Variants in SOHLH1 observed in about 807,000 individuals in gnomAD.
The protein encoded by SOHLH1 is spermatogenesis and oogenesis specific basic helix-loop-helix 1.
Under a neutral mutation model 36.2 loss-of-function variants are expected in SOHLH1, and 23 were observed. That is an observed-to-expected ratio of 0.64 (90% CI 0.46 to 0.90). The LOEUF is 0.90. Ranked by LOEUF, SOHLH1 falls within the 40% of genes least tolerant of loss-of-function variation. The pLI is 0.00. For synonymous variants in SOHLH1, 289 were observed against 228.3 expected, an observed-to-expected ratio of 1.27 and a Z score of -2.40; for missense variants, 608 against 517.0, an observed-to-expected ratio of 1.18 and a Z score of -1.71.
upstream of SOHLH1, among the ~76,000 whole-genome samples, chr9:135,700,445 T>TG (rs896334660): frequency 1.1e-4 from 14 of 131,266 alleles, no homozygotes; most frequent in East Asian, 2.0e-3. Flanking sequence ...GGGACGAGGG[T>TG]GGGGGGTGAG....
chr9:135,696,892 G>A (rs1588232601), intron 4 of SOHLH1, 87 bp from the exon 5 acceptor site: 4 of 1,449,546 alleles, frequency 2.8e-6, no homozygotes, highest in Admixed American at 1.9e-5. Flanking sequence ...GCAGAGGGCT[G>A]GACCCATCCC....
chr9:135,698,521 C>T lies in SOHLH1; in HGVS notation c.198-45G>A. ...AAATACCTCTGGGCCCTCCTGCCCT[C>T]CCCGAGAAGGGACAGCAACTGCTAG... On this transcript the variant is annotated intron_variant, in intron 2 of 7. Coordinates refer to ENST00000425225, the MANE Select transcript of SOHLH1 (RefSeq NM_001101677.2). The T allele has an allele frequency of 1.9e-6, 3 of 1,612,518 alleles. No individual in the cohort carries two copies. In the Admixed American group the frequency reaches 5.0e-5, roughly 27 times the overall value.
chr9:135,693,727 C>A lies in SOHLH1; in HGVS notation c.1034G>T (p.Gly345Val). ...PLDVGEPGFL[G>V]DPELGSQELQ... The stretch of plus-strand genomic sequence containing the variant: ...CTCCTGGGAGCCAAGCTCAGGGTCC[C>A]CTAGGAAGCCTGGCTCTCCAACATC... Residue 345 changes from glycine to valine, a missense_variant, in exon 8 of 8, where the codon GGG becomes GTG. Transcript: ENST00000425225. The A allele has an allele frequency of 6.4e-7, 1 of 1,573,554 alleles. No homozygotes were observed. The highest frequency in any genetic ancestry group is 8.6e-7 in the Non-Finnish European group (1 of 1,160,414).
At chr9:135,695,999 C>T (rs1834776516) in intron 5 of SOHLH1, among the ~76,000 whole-genome samples, 1 of 152,212 alleles carries the variant, frequency 6.6e-6, no homozygotes. Context: ...ATCCAAAACA[C>T]ACCAGCCACA....
chr9:135,694,711 G>A (rs1588229589), intron 6 of SOHLH1, among the ~76,000 whole-genome samples: 1 of 152,010 alleles, frequency 6.6e-6, no homozygotes, highest in Non-Finnish European at 1.5e-5. Context: ...CCACAGTCTC[G>A]CTCTTCTCGT....
chr9:135,693,771 T>C lies in SOHLH1; in HGVS notation c.990A>G (p.Pro330=), dbSNP rs150576747. The change falls in exon 8 of 8, where the codon CCA becomes CCG. Residue 330 remains proline, a synonymous_variant. Transcript: ENST00000425225. ...GRGGSGPAWA[P]AESSPLDVGE... is the part of the protein sequence containing the mutation. ...CAACATCCAGTGGACTGCTCTCAGC[T>C]GGGGCCCATGCAGGGCCACTGCCTC... 1.5e-3 allele frequency: 2,357 copies of C among 1,581,846 alleles called. 10 individuals carry two copies. The highest frequency in any genetic ancestry group is 8.9e-3 in the Middle Eastern group (54 of 6,042).
intron 5 of SOHLH1, among the ~76,000 whole-genome samples, chr9:135,695,527 G>A (rs515026): frequency 0.46 from 69,783 of 151,968 alleles, 16,914 homozygotes; most frequent in East Asian, 0.89. Context: ...TTGGCCAGCC[G>A]CAAGGGGCTT....
intron 3 of SOHLH1, 107 bp downstream of exon 3, chr9:135,698,222 A>C: frequency 6.6e-7 from 1 of 1,508,106 alleles, no homozygotes. Context: ...GGAGACCCAG[A>C]GGGCTGAAGG....
intron 2 of SOHLH1, among the ~76,000 whole-genome samples, 186 bp from the exon 3 acceptor site, chr9:135,698,662 C>T (rs1834906944): frequency 6.6e-6 from 1 of 152,190 alleles, no homozygotes; most frequent in African/African-American, 2.4e-5. Context: ...CTGGGCCTGA[C>T]CCCTGGACCT....
chr9:135,700,920 C>G (rs531125559), upstream of SOHLH1, among the ~76,000 whole-genome samples: 9 of 152,222 alleles, frequency 5.9e-5, no homozygotes, highest in East Asian at 1.4e-3. Flanking sequence ...CTAAAGCCCT[C>G]GGAATGTCAT....
Position 135,697,614 on chromosome 9 carries a change from G to T in SOHLH1, c.359C>A (p.Ser120Tyr). The change falls in exon 4 of 8, where the codon TCC becomes TAC. Residue 120 changes from serine (S) to tyrosine (Y), a missense_variant. By Grantham distance (144) the Ser-to-Tyr change is moderately radical. Coordinates refer to ENST00000425225, the MANE Select transcript of SOHLH1 (RefSeq NM_001101677.2). The stretch of plus-strand genomic sequence containing the variant: ...CTGCAACGAGTGCCACATTTCCTTG[G>T]AGGAAGCAAGAATCTGAAATTTAAG... ...SQEQHAILAS[S>Y]KEMWHSLQED... The T allele has an allele frequency of 6.2e-7, 1 of 1,611,848 alleles. No individual in the cohort carries two copies. Among genetic ancestry groups the T allele is most frequent in the South Asian group, 1.1e-5 (1 of 91,004 alleles).
upstream of SOHLH1, among the ~76,000 whole-genome samples, chr9:135,700,221 A>G (rs1834984472): frequency 1.3e-5 from 2 of 151,760 alleles, no homozygotes; most frequent in African/African-American, 4.8e-5. Flanking sequence ...CACACTCTCA[A>G]CAGGTTTCTG....
upstream of SOHLH1, among the ~76,000 whole-genome samples, chr9:135,700,946 C>T (rs1474279466): frequency 6.6e-6 from 1 of 152,214 alleles, no homozygotes; most frequent in Non-Finnish European, 1.5e-5. Context: ...CTGTGACTCT[C>T]CTGCCGTTGA....
At chr9:135,694,010 AG>A in intron 7 of SOHLH1, 196 bp from the exon 8 acceptor site, 4 of 1,428,160 alleles carry the variant, frequency 2.8e-6, no homozygotes, top group Non-Finnish European at 3.7e-6. Context: ...GACCAGAACC[AG>A]GAACGGGCTC....
intron 2 of SOHLH1, among the ~76,000 whole-genome samples, chr9:135,698,763 G>A (rs1834910030): frequency 6.6e-6 from 1 of 152,226 alleles, no homozygotes; most frequent in African/African-American, 2.4e-5. Flanking sequence ...GAAGCACAGA[G>A]GGTCACAGGT....
intron 4 of SOHLH1, 92 bp from the exon 5 acceptor site, chr9:135,696,897 C>G (rs1834826206): frequency 6.4e-6 from 9 of 1,413,210 alleles, no homozygotes; most frequent in Non-Finnish European, 8.8e-6. Flanking sequence ...GGGCTGGACC[C>G]ATCCCCAGGA....
intron 7 of SOHLH1, chr9:135,694,065 A>G (rs1021946054): frequency 3.5e-6 from 5 of 1,425,950 alleles, no homozygotes; most frequent in African/African-American, 2.9e-5. Flanking sequence ...GCCATGTCAC[A>G]GGGCCATACA....
chr9:135,698,245 CA>C, intron 3 of SOHLH1, 83 bp downstream of exon 3: 1 of 1,585,216 alleles, frequency 6.3e-7, no homozygotes, highest in Non-Finnish European at 8.6e-7. Context: ...ACGGGGATGA[CA>C]GGGGACACAC....
chr9:135,695,639 C>T (rs933970710), intron 5 of SOHLH1, among the ~76,000 whole-genome samples: 2 of 152,126 alleles, frequency 1.3e-5, no homozygotes, highest in African/African-American at 2.4e-5. Context: ...TTCCGGAGTG[C>T]CCTGATGACC....
Sources: allele counts gnomAD v4.1 joint callset (sites outside exome capture counted in the v4.1 genomes callset), GRCh38; gene constraint gnomAD v4.1.1; transcripts MANE v1.5; gene names NCBI Gene and HGNC (gene_info 2026-07-23, HGNC 2026-07-21).